The following CTNND2 variants were observed in gnomAD, a reference collection of about 807,000 sequenced individuals.
CTNND2 encodes the protein catenin delta-2.
A neutral mutation model predicts 144.4 loss-of-function variants in CTNND2; 22 were observed. The observed-to-expected ratio is 0.15, with a 90% CI of 0.11 to 0.22. The LOEUF is 0.22. Among genes scored for constraint, CTNND2 ranks in the 10% least tolerant of loss-of-function variants. The probability of loss-of-function intolerance (pLI) is 1.00; values close to 1 mark genes in which losing one functional copy is unlikely to be tolerated. For synonymous variants in CTNND2, 751 were observed against 695.6 expected (o/e 1.08, Z -1.25); for missense variants, 1,353 against 1,618.8 (o/e 0.84, Z 2.82).
intron 3 of CTNND2, among the ~76,000 whole-genome samples, chr5:11,535,484 C>T (rs1774128539): frequency 6.6e-6 from 1 of 152,100 alleles, no homozygotes; most frequent in Admixed American, 6.5e-5. Context: ...TATGAAATTT[C>T]TGGCCTTGTT....
intron 5 of CTNND2, among the ~76,000 whole-genome samples, chr5:11,406,079 A>T (rs1414056986): frequency 6.6e-6 from 1 of 152,182 alleles, no homozygotes; most frequent in Non-Finnish European, 1.5e-5. Context: ...CCCAGGAGGC[A>T]GAGGTTACAG....
intron 3 of CTNND2, among the ~76,000 whole-genome samples, chr5:11,519,933 G>A (rs1208724575): frequency 6.6e-6 from 1 of 151,780 alleles, no homozygotes; most frequent in Admixed American, 6.6e-5. Context: ...AAGGTCAGGA[G>A]TTCGAGACCA....
intron 2 of CTNND2, among the ~76,000 whole-genome samples, chr5:11,702,143 C>CT (rs1347030706): frequency 6.6e-6 from 1 of 152,088 alleles, no homozygotes; most frequent in African/African-American, 2.4e-5. Context: ...TAGTTGAAAC[C>CT]TAGAGACATA....
At chr5:11,463,637 C>T (rs908716603) in intron 3 of CTNND2, among the ~76,000 whole-genome samples, 1 of 151,628 alleles carries the variant, frequency 6.6e-6, no homozygotes, top group African/African-American at 2.4e-5. Context: ...CAAACTCTTT[C>T]GCATGGATAT....
chr5:11,438,523 T>C (rs1763974873), intron 3 of CTNND2, among the ~76,000 whole-genome samples: 1 of 152,168 alleles, frequency 6.6e-6, no homozygotes, highest in Non-Finnish European at 1.5e-5. Flanking sequence ...TCACACTTGA[T>C]AAAGGGTCTG....
At chr5:11,522,830 G>A (rs1772868041) in intron 3 of CTNND2, among the ~76,000 whole-genome samples, 2 of 151,992 alleles carry the variant, frequency 1.3e-5, no homozygotes, top group Non-Finnish European at 2.9e-5. Context: ...AGAAATTTTT[G>A]GCCATAGAAA....
intron 1 of CTNND2, among the ~76,000 whole-genome samples, chr5:11,798,186 C>T (rs1456955815): frequency 6.7e-6 from 1 of 148,714 alleles, no homozygotes; most frequent in Non-Finnish European, 1.5e-5. Context: ...CGCTGGAACC[C>T]GGGAGGCGGA....
intron 9 of CTNND2, among the ~76,000 whole-genome samples, chr5:11,330,024 C>T (rs911754354): frequency 2.0e-5 from 3 of 152,130 alleles, no homozygotes; most frequent in Non-Finnish European, 4.4e-5. Flanking sequence ...TAGCATGTTA[C>T]ATACAGGAAC....
At chr5:11,709,933 G>C (rs944710010) in intron 2 of CTNND2, among the ~76,000 whole-genome samples, 1 of 152,100 alleles carries the variant, frequency 6.6e-6, no homozygotes, top group Admixed American at 6.5e-5. Context: ...AATAATGTAA[G>C]AGTTATTTAG....
Position 11,460,667 on chromosome 5 carries a change from A to G in CTNND2, c.288-48598T>C, listed in dbSNP as rs1766122035. On this transcript the variant is annotated intron_variant, in intron 3 of 21. Transcript: ENST00000304623. ...CCAGGGCCTTTGCGCTTGCCACCCT[A>G]CTACTTTGCCTCAGATACAGCTCAC... Among the ~76,000 whole-genome samples, 3 of 152,026 alleles carry G rather than the reference A, an allele frequency of 2.0e-5. No individual in the cohort carries two copies. The South Asian group carries it at 6.2e-4, about 32-fold the overall frequency.
intron 9 of CTNND2, among the ~76,000 whole-genome samples, chr5:11,260,105 T>C (rs989973172): frequency 5.3e-5 from 8 of 152,156 alleles, no homozygotes; most frequent in Non-Finnish European, 7.3e-5. Context: ...AATGATGTGT[T>C]CATATCTAAT....
intron 2 of CTNND2, among the ~76,000 whole-genome samples, chr5:11,638,511 A>C (rs1247410479): frequency 1.3e-5 from 2 of 152,200 alleles, no homozygotes; most frequent in Non-Finnish European, 2.9e-5. Context: ...AATTCCCCTT[A>C]AATTAAAAAT....
chr5:11,145,217 C>T (rs1008061546), intron 12 of CTNND2, among the ~76,000 whole-genome samples: 9 of 151,842 alleles, frequency 5.9e-5, no homozygotes, highest in East Asian at 1.9e-4. Flanking sequence ...ATTGTTGTGC[C>T]GAAGAATATT....
chr5:11,255,682 T>C (rs1223034484), intron 9 of CTNND2, among the ~76,000 whole-genome samples: 1 of 152,074 alleles, frequency 6.6e-6, no homozygotes, highest in Non-Finnish European at 1.5e-5. Flanking sequence ...CAAATCTTTA[T>C]CAGGTCTGTT....
At position 11,801,148 on chromosome 5, in the gene CTNND2, T is replaced by C. The variant is rs141799763; in HGVS notation, c.38-68876A>G. Among the ~76,000 whole-genome samples, 247 of 152,356 alleles carry C rather than the reference T, an allele frequency of 1.6e-3. 1 individual carries two copies. Among genetic ancestry groups the C allele is most frequent in the African/African-American group, 5.6e-3 (231 of 41,584 alleles). On this transcript the variant is annotated intron_variant, in intron 1 of 21. Transcript: ENST00000304623. ...TGAATACACTCTTTTGTCGTTGTTG[T>C]TCTGTGAGTTAAATAGCACACTGGC...
intron 2 of CTNND2, among the ~76,000 whole-genome samples, chr5:11,567,197 G>A (rs533308587): frequency 4.0e-5 from 6 of 151,392 alleles, no homozygotes; most frequent in South Asian, 2.1e-4. Context: ...TCGCTCTGTC[G>A]TCCAGGTTGG....
At chr5:11,588,780 C>T in intron 2 of CTNND2, 1 of 985,254 alleles carries the variant, frequency 1.0e-6, no homozygotes, top group African/African-American at 1.7e-5. Context: ...TACTTGAAAA[C>T]TGTAGTCTAG....
chr5:11,190,902 A>G (rs929531938), intron 11 of CTNND2, among the ~76,000 whole-genome samples: 2 of 152,242 alleles, frequency 1.3e-5, no homozygotes, highest in Non-Finnish European at 2.9e-5. Context: ...ACGGAAAAGT[A>G]GAAGGCAGGC....
chr5:11,865,736 G>A (rs1017401183), intron 1 of CTNND2, among the ~76,000 whole-genome samples: 16 of 151,926 alleles, frequency 1.1e-4, no homozygotes, highest in African/African-American at 2.9e-4. Flanking sequence ...GATTATTGAG[G>A]TGGGCTTACA....
Sources: gnomAD v4.1 joint callset for allele counts (sites outside exome capture counted in the v4.1 genomes callset) on GRCh38, gnomAD v4.1.1 for gene constraint, MANE v1.5 for transcripts, NCBI Gene and HGNC (gene_info 2026-07-23, HGNC 2026-07-21) for gene names.